MYO16: variants seen among roughly 807,000 people sequenced by gnomAD.
MYO16 encodes the protein unconventional myosin-XVI.
Under a neutral mutation model 205.3 loss-of-function variants are expected in MYO16, and 94 were observed. The observed-to-expected ratio is 0.46, with a 90% CI of 0.39 to 0.54. The LOEUF (loss-of-function observed/expected upper bound fraction) is 0.54, where lower values mean the gene tolerates loss of function less well. Ranked by LOEUF, MYO16 falls within the 20% of genes least tolerant of loss-of-function variation. The pLI is 0.00. For missense variants in MYO16, 2,315 were observed against 2,387.5 expected (o/e 0.97, Z 0.63); for synonymous variants, 988 against 954.0 (o/e 1.04, Z -0.66).
the MYO16 span, among the ~76,000 whole-genome samples, chr13:108,586,180 G>T: frequency 4.6e-5 from 7 of 151,804 alleles, no homozygotes; most frequent in Non-Finnish European, 8.8e-5. Flanking sequence ...GATAAAAAAA[G>T]AAGAGATCAT....
chr13:108,643,524 G>T (rs1880602997), intron 1 of MYO16, among the ~76,000 whole-genome samples: 1 of 152,196 alleles, frequency 6.6e-6, no homozygotes, highest in African/African-American at 2.4e-5. Flanking sequence ...GTTCAAGAGT[G>T]CAATTGCTGG....
chr13:108,754,971 C>G (rs7999819), intron 4 of MYO16, among the ~76,000 whole-genome samples: 1 of 151,808 alleles, frequency 6.6e-6, no homozygotes, highest in African/African-American at 2.4e-5. Context: ...GAGAGAGAGA[C>G]AGAGAGAGAG....
At chr13:108,752,420 A>G (rs1475806979) in intron 4 of MYO16, among the ~76,000 whole-genome samples, 1 of 152,188 alleles carries the variant, frequency 6.6e-6, no homozygotes, top group Non-Finnish European at 1.5e-5. Context: ...CAAAGGTTAT[A>G]CTTAATTTCA....
intron 14 of MYO16, among the ~76,000 whole-genome samples, chr13:108,893,936 C>G (rs1880290509): frequency 6.6e-6 from 1 of 152,140 alleles, no homozygotes; most frequent in South Asian, 2.1e-4. Flanking sequence ...GTGTACTAGT[C>G]TGTTCTCATA....
At chr13:108,577,960 T>C in the MYO16 span, among the ~76,000 whole-genome samples, 1 of 152,216 alleles carries the variant, frequency 6.6e-6, no homozygotes, top group African/African-American at 2.4e-5. Flanking sequence ...AATAGCCCCA[T>C]CAGGGATCTT....
At position 108,887,580 on chromosome 13, in the gene MYO16, G is replaced by A. The variant is rs189389925; in HGVS notation, c.1554-792G>A. On this transcript the variant is annotated intron_variant, in intron 13 of 34. Coordinates refer to ENST00000457511, the MANE Select transcript of MYO16 (RefSeq NM_001198950.3). The stretch of plus-strand genomic sequence containing the variant: ...AATATTTACCATTTTTAAAAATTGG[G>A]TGAGTTAATGAAGTATGCCTGGGAT... 4.6e-5 allele frequency among the ~76,000 whole-genome samples: 7 copies of A among 152,216 alleles called. No homozygotes were observed. The East Asian group carries it at 9.7e-4, about 21-fold the overall frequency.
chr13:108,923,255 C>T (rs1451550321), intron 16 of MYO16, among the ~76,000 whole-genome samples: 4 of 152,152 alleles, frequency 2.6e-5, no homozygotes, highest in African/African-American at 4.8e-5. Context: ...TCGCAAGATG[C>T]GGGATGACCT....
intron 20 of MYO16, among the ~76,000 whole-genome samples, chr13:108,982,493 A>T (rs555898842): frequency 6.6e-6 from 1 of 152,354 alleles, no homozygotes; most frequent in African/African-American, 2.4e-5. Flanking sequence ...GTTAAAAAAA[A>T]GTAAACAGCA....
At chr13:108,626,426 T>C (rs1395471157), upstream of MYO16, among the ~76,000 whole-genome samples, 1 of 152,196 alleles carries the variant, frequency 6.6e-6, no homozygotes, top group East Asian at 1.9e-4. Context: ...ATGACCATAT[T>C]CTGCAAAATA....
intron 34 of MYO16, among the ~76,000 whole-genome samples, chr13:109,194,885 G>A (rs1156879161): frequency 6.6e-6 from 1 of 151,946 alleles, no homozygotes; most frequent in Admixed American, 6.6e-5. Context: ...TATCCTAAAT[G>A]TCACAAATTA....
chr13:108,592,983 C>T (rs1249327006), upstream of MYO16, among the ~76,000 whole-genome samples: 3 of 152,060 alleles, frequency 2.0e-5, no homozygotes, highest in African/African-American at 7.3e-5. Context: ...TTCCCTCTGC[C>T]ACCACACAGT....
At chr13:108,510,218 G>A in the MYO16 span, among the ~76,000 whole-genome samples, 2 of 152,056 alleles carry the variant, frequency 1.3e-5, no homozygotes, top group East Asian at 1.9e-4. Context: ...CCGGGTTCAC[G>A]CCATTCTCCA....
At chr13:108,536,168 C>G in the MYO16 span, among the ~76,000 whole-genome samples, 2 of 152,032 alleles carry the variant, frequency 1.3e-5, no homozygotes, top group African/African-American at 4.8e-5. Context: ...TATTAATTCC[C>G]TAGTGATCTG....
At chr13:108,772,887 A>G (rs1193123393) in intron 4 of MYO16, among the ~76,000 whole-genome samples, 6 of 152,116 alleles carry the variant, frequency 3.9e-5, no homozygotes, top group Non-Finnish European at 8.8e-5. Flanking sequence ...AATATAAATG[A>G]TGGGTGAGTT....
chr13:108,837,311 A>G (rs1353580746), intron 9 of MYO16, among the ~76,000 whole-genome samples: 1 of 152,162 alleles, frequency 6.6e-6, no homozygotes, highest in African/African-American at 2.4e-5. Flanking sequence ...GCCATGTGGA[A>G]CTGTGAGTGA....
the MYO16 span, among the ~76,000 whole-genome samples, chr13:108,535,271 T>C: frequency 6.6e-6 from 1 of 152,182 alleles, no homozygotes; most frequent in Admixed American, 6.5e-5. Flanking sequence ...GCTTGGATAA[T>C]GTGACAAACA....
At chr13:108,818,689 C>T (rs1032190041) in intron 7 of MYO16, among the ~76,000 whole-genome samples, 1 of 152,016 alleles carries the variant, frequency 6.6e-6, no homozygotes, top group African/African-American at 2.4e-5. Context: ...CAAATGGAAA[C>T]ATAACTACAC....
In MYO16 at chr13:108,951,040, G is replaced by GT. The variant is rs200245086; in HGVS notation, c.1926-6641dup. ...TTAAAAGCATTACCTTCCTCAAAACGTTTTTTTGTTTTTGTTTTTTACTTT... is the reference window on the plus strand; with the variant it reads ...TTAAAAGCATTACCTTCCTCAAAACGTTTTTTTTGTTTTTGTTTTTTACTTT... On this transcript the variant is annotated intron_variant, in intron 16 of 34. Transcript: ENST00000457511. Among the ~76,000 whole-genome samples the GT allele has an allele frequency of 6.7e-3, 996 of 148,536 alleles. 10 individuals are homozygous for GT. The highest frequency in any genetic ancestry group is 0.022 in the African/African-American group (906 of 40,310).
At chr13:109,182,086 G>A (rs1207439511) in intron 34 of MYO16, among the ~76,000 whole-genome samples, 1 of 152,100 alleles carries the variant, frequency 6.6e-6, no homozygotes, top group Non-Finnish European at 1.5e-5. Flanking sequence ...CCAAAGTGCT[G>A]GGATTACAGG....
Sources: allele counts gnomAD v4.1 joint callset (sites outside exome capture counted in the v4.1 genomes callset), GRCh38; gene constraint gnomAD v4.1.1; transcripts MANE v1.5; gene names NCBI Gene and HGNC (gene_info 2026-07-23, HGNC 2026-07-21).